ARL5C: variants seen among roughly 807,000 people sequenced by gnomAD.
The protein encoded by ARL5C is putative ADP-ribosylation factor-like protein 5C.
ARL5C carries 21 observed loss-of-function variants against 20.8 expected under a neutral mutation model. That is an observed-to-expected ratio of 1.01 (90% CI 0.72 to 1.46). The LOEUF (loss-of-function observed/expected upper bound fraction) is 1.46. Among genes scored for constraint, ARL5C ranks in the 40% most tolerant of loss-of-function variants. ARL5C has a pLI of 0.00. For synonymous variants in ARL5C, 71 were observed against 81.6 expected (o/e 0.87, Z 0.70); for missense variants, 199 against 225.1 (o/e 0.88, Z 0.74).
At chr17:39,157,058 T>C (rs2045409143) in intron 5 of ARL5C, 116 bp from the exon 6 acceptor site, 7 of 1,128,248 alleles carry the variant, frequency 6.2e-6, no homozygotes, top group African/African-American at 4.7e-5. Context: ...CATCCAATAA[T>C]TCAATTAACA....
intron 1 of ARL5C, 136 bp downstream of exon 1, chr17:39,165,579 C>A: frequency 9.0e-7 from 1 of 1,111,262 alleles, no homozygotes; most frequent in Non-Finnish European, 1.3e-6. Context: ...GCAGGGGAGG[C>A]CGCGGGGCAG....
At chr17:39,164,702 G>A (rs1179504762) in intron 2 of ARL5C, among the ~76,000 whole-genome samples, 1 of 152,140 alleles carries the variant, frequency 6.6e-6, no homozygotes, top group Non-Finnish European at 1.5e-5. Context: ...GAGCCTCAGT[G>A]AGCCTTTGGG....
intron 5 of ARL5C, among the ~76,000 whole-genome samples, chr17:39,159,126 G>C (rs2045421857): frequency 7.2e-6 from 1 of 137,952 alleles, no homozygotes; most frequent in African/African-American, 2.7e-5. Flanking sequence ...GGAACTCCTG[G>C]GCTCAAGTGA....
intron 3 of ARL5C, among the ~76,000 whole-genome samples, 163 bp downstream of exon 3, chr17:39,162,548 G>A (rs771844720): frequency 5.3e-5 from 8 of 152,082 alleles, no homozygotes; most frequent in Non-Finnish European, 2.9e-5. Flanking sequence ...TGATCCACCC[G>A]CCTTGGACTC....
chr17:39,158,783 C>G (rs2045419411), intron 5 of ARL5C, among the ~76,000 whole-genome samples: 1 of 152,030 alleles, frequency 6.6e-6, no homozygotes, highest in Non-Finnish European at 1.5e-5. Context: ...TGTCCCTTGT[C>G]AGATAACTTA....
intron 5 of ARL5C, among the ~76,000 whole-genome samples, chr17:39,158,866 G>A (rs896306822): frequency 3.3e-5 from 5 of 151,674 alleles, no homozygotes; most frequent in African/African-American, 1.2e-4. Context: ...TTTTGGAAAT[G>A]GGGGTCTGGA....
intron 2 of ARL5C, among the ~76,000 whole-genome samples, chr17:39,163,331 G>C (rs940382693): frequency 8.6e-6 from 1 of 116,730 alleles, no homozygotes; most frequent in Non-Finnish European, 2.0e-5. Context: ...TCTGGGCAGG[G>C]GTCCAGGCTT....
chr17:39,164,850 G>A, intron 2 of ARL5C: 1 of 463,190 alleles, frequency 2.2e-6, no homozygotes, highest in Non-Finnish European at 3.9e-6. Context: ...CAGGGCCCCC[G>A]GGAAGATGGA....
At chr17:39,163,388 T>TTCTC in intron 2 of ARL5C, among the ~76,000 whole-genome samples, 1 of 138,252 alleles carries the variant, frequency 7.2e-6, no homozygotes, top group South Asian at 2.1e-4. Flanking sequence ...CTTTCTTTCT[T>TTCTC]TCTTTCTCTC....
chr17:39,165,886 C>T lies in ARL5C; in HGVS notation c.-126G>A. 1.7e-6 allele frequency: 2 copies of T among 1,150,716 alleles called. No individual in the cohort carries two copies. The highest frequency in any genetic ancestry group is 2.7e-5 in the South Asian group (2 of 72,796). The allele number at this position is 1,150,716 out of a possible 1,614,324, so 71.3% of individuals were successfully genotyped here. On this transcript the variant is annotated 5_prime_UTR_variant, in exon 1 of 6. Coordinates refer to ENST00000269586, the MANE Select transcript of ARL5C (RefSeq NM_001143968.1). ...ATTTTGCCTACGAAGTTAGGGAAGC[C>T]CCACACGTCACCAACCTGACCTGGG...
intron 3 of ARL5C, 131 bp from the exon 4 acceptor site, chr17:39,161,482 C>A: frequency 1.4e-6 from 1 of 732,310 alleles, no homozygotes; most frequent in Non-Finnish European, 2.3e-6. Context: ...CATGCAGCCT[C>A]AAGATTTCAC....
rs2045461482 is a variant in ARL5C, at chr17:39,165,931, C to G, written c.-171G>C. ...CCTGGGAACCCTCTGGGACGCTGGC[C>G]CTTCGTGGGCACTATGGACACCCCA... On this transcript the variant is annotated 5_prime_UTR_variant, in exon 1 of 6. Transcript: ENST00000269586. 2 of 709,524 alleles carry G rather than the reference C, an allele frequency of 2.8e-6. No homozygotes were observed. The highest frequency in any genetic ancestry group is 3.3e-4 in the Middle Eastern group (1 of 3,032). 44.0% of individuals were successfully genotyped at this position (709,524 alleles called of 1,614,324 possible).
intron 5 of ARL5C, among the ~76,000 whole-genome samples, chr17:39,159,297 CT>C (rs71141776): frequency 0.064 from 7,152 of 111,740 alleles, 650 homozygotes; most frequent in African/African-American, 0.22. Flanking sequence ...TTCTTTCTTT[CT>C]TTTTTTTTTT....
At chr17:39,165,280 A>C in intron 1 of ARL5C, 141 bp from the exon 2 acceptor site, 1 of 789,374 alleles carries the variant, frequency 1.3e-6, no homozygotes, top group Non-Finnish European at 2.1e-6. Context: ...TCTGCTTCCC[A>C]CCCAGCTCCG....
chr17:39,160,335 AAAAAG>A, intron 5 of ARL5C: 15 of 396,880 alleles, frequency 3.8e-5, no homozygotes, highest in African/African-American at 2.5e-4. Flanking sequence ...AAAAAAAAAA[AAAAAG>A]AGAGAGAGAT....
At chr17:39,162,920 A>C in intron 2 of ARL5C, 62 bp from the exon 3 acceptor site, 1 of 1,524,074 alleles carries the variant, frequency 6.6e-7, no homozygotes, top group Middle Eastern at 2.3e-4. Flanking sequence ...CTGGCCCCCA[A>C]ATGCTCTACT....
Position 39,165,816 on chromosome 17 carries a change from C to T in ARL5C, c.-56G>A. ...GGCTCAGCGGCCTCAGGAGCGGAGT[C>T]GGCCCTGGTATTCGGAGCTCCGCTC... On this transcript the variant is annotated 5_prime_UTR_variant, in exon 1 of 6. Transcript: ENST00000269586. 1 of 1,545,302 alleles carries T rather than the reference C, an allele frequency of 6.5e-7. No individual in the cohort carries two copies. Among genetic ancestry groups the T allele is most frequent in the Non-Finnish European group, 8.8e-7 (1 of 1,141,950 alleles).
chr17:39,163,351 T>TTTCTTTCTTTCC, intron 2 of ARL5C, among the ~76,000 whole-genome samples: 1 of 108,462 alleles, frequency 9.2e-6, no homozygotes, highest in Non-Finnish European at 1.7e-5. Context: ...TTTGCCTTTC[T>TTTCTTTCTTTCC]TTCTTTCTTT....
At chr17:39,161,378 G>A (rs994887415) in intron 3 of ARL5C, 27 bp from the exon 4 acceptor site, 8 of 1,547,058 alleles carry the variant, frequency 5.2e-6, no homozygotes, top group Admixed American at 2.0e-5. Flanking sequence ...AGCCGTGAGA[G>A]ACAGGCTTTC....
Sources: gnomAD v4.1 joint callset for allele counts (sites outside exome capture counted in the v4.1 genomes callset) on GRCh38, gnomAD v4.1.1 for gene constraint, MANE v1.5 for transcripts, NCBI Gene and HGNC (gene_info 2026-07-23, HGNC 2026-07-21) for gene names.